The following AGMO variants were observed in gnomAD, a reference collection of about 807,000 sequenced individuals.
AGMO encodes the protein glyceryl-ether monooxygenase.
In AGMO, 75 loss-of-function variants were observed where a neutral mutation model predicts 60.2. That is an observed-to-expected ratio of 1.25 (90% CI 1.03 to 1.51). The LOEUF (loss-of-function observed/expected upper bound fraction) is 1.51, where lower values mean the gene tolerates loss of function less well. Ranked by LOEUF, AGMO falls within the 40% of genes most tolerant of loss-of-function variation. AGMO has a pLI of 0.00. For synonymous variants in AGMO, 261 were observed against 177.1 expected, an observed-to-expected ratio of 1.47 and a Z score of -3.76; for missense variants, 763 against 525.5, an observed-to-expected ratio of 1.45 and a Z score of -4.42.
chr7:15,354,491 C>A (rs1583447408), intron 12 of AGMO, among the ~76,000 whole-genome samples: 1 of 13,990 alleles, frequency 7.1e-5, no homozygotes, highest in Non-Finnish European at 1.2e-4. Flanking sequence ...TGTATATACA[C>A]ACGTGTATAT....
intron 5 of AGMO, among the ~76,000 whole-genome samples, chr7:15,411,028 G>C: frequency 6.6e-6 from 1 of 151,952 alleles, no homozygotes; most frequent in East Asian, 1.9e-4. Flanking sequence ...TAGGTCATTA[G>C]GGTTTTGTCT....
At chr7:15,301,384 A>T (rs2128526231) in intron 12 of AGMO, among the ~76,000 whole-genome samples, 1 of 152,228 alleles carries the variant, frequency 6.6e-6, no homozygotes, top group South Asian at 2.1e-4. Flanking sequence ...GGTTGCAGTG[A>T]GCCAAGATCA....
At chr7:15,232,826 C>CACACACACAA (rs930600939) in intron 12 of AGMO, among the ~76,000 whole-genome samples, 17 of 148,292 alleles carry the variant, frequency 1.1e-4, no homozygotes, top group South Asian at 4.2e-4. Flanking sequence ...CACACACACA[C>CACACACACAA]AAAAACTAAA....
intron 3 of AGMO, among the ~76,000 whole-genome samples, chr7:15,543,002 C>T (rs549188969): frequency 1.4e-4 from 21 of 152,184 alleles, no homozygotes; most frequent in Admixed American, 1.4e-3. Flanking sequence ...ATCCATGCTA[C>T]TCCTATTTCC....
chr7:15,505,130 A>C (rs1392433627), intron 3 of AGMO, among the ~76,000 whole-genome samples: 2 of 152,014 alleles, frequency 1.3e-5, no homozygotes, highest in African/African-American at 4.8e-5. Flanking sequence ...TTCAAGTCAA[A>C]TCATCTATTG....
At chr7:15,396,292 C>T (rs13234866) in intron 5 of AGMO, 52,653 of 152,138 alleles carry the variant, frequency 0.35, 9,514 homozygotes, top group African/African-American at 0.45. Flanking sequence ...GTTCTTCACA[C>T]ATGTCTGCAG....
At chr7:15,199,490 C>T (rs970568849), downstream of AGMO, among the ~76,000 whole-genome samples, 4 of 152,032 alleles carry the variant, frequency 2.6e-5, no homozygotes, top group Admixed American at 2.6e-4. Context: ...ATGTATCATT[C>T]CTTGGGGAAT....
intron 12 of AGMO, among the ~76,000 whole-genome samples, chr7:15,277,078 T>G (rs1255421805): frequency 6.6e-6 from 1 of 151,812 alleles, no homozygotes; most frequent in African/African-American, 2.4e-5. Flanking sequence ...GAGGCCAAGG[T>G]AGGTGGATTA....
At chr7:15,228,754 T>G (rs1782163579) in intron 12 of AGMO, among the ~76,000 whole-genome samples, 1 of 152,154 alleles carries the variant, frequency 6.6e-6, no homozygotes, top group South Asian at 2.1e-4. Context: ...AGTATTCCTC[T>G]GTGATTTGTT....
intron 9 of AGMO, 139 bp from the exon 10 acceptor site, chr7:15,385,701 T>C (rs955132141): frequency 1.5e-5 from 10 of 647,446 alleles, no homozygotes; most frequent in African/African-American, 5.6e-5. Context: ...AATAGAAACA[T>C]GTCTAAGTTA....
At position 15,430,918 on chromosome 7, in the gene AGMO, G is replaced by GTTTTTTTT. The variant is rs71004378; in HGVS notation, c.513+79_513+86dup. On this transcript the variant is annotated intron_variant, in intron 4 of 12. Transcript: ENST00000342526. ...CATTTTAGTAAAACACCTTCTATTA[G>GTTTTTTTT]TTTTTTTTTTTTTTTGAGGAAATAG... The GTTTTTTTT allele has an allele frequency of 5.1e-3, 2,005 of 394,462 alleles. 43 individuals are homozygous for GTTTTTTTT. The highest frequency in any genetic ancestry group is 5.4e-3 in the Non-Finnish European group (1,282 of 237,552). 24.4% of individuals were successfully genotyped at this position (394,462 alleles called of 1,614,324 possible).
At chr7:15,384,037 G>C (rs1005245038) in intron 10 of AGMO, among the ~76,000 whole-genome samples, 1 of 151,988 alleles carries the variant, frequency 6.6e-6, no homozygotes, top group Admixed American at 6.6e-5. Flanking sequence ...CCAGGTTCAC[G>C]TCATTCTTCT....
chr7:15,398,104 A>G (rs1444823028), intron 5 of AGMO, among the ~76,000 whole-genome samples: 1 of 152,150 alleles, frequency 6.6e-6, no homozygotes, highest in Non-Finnish European at 1.5e-5. Context: ...TTGGTGCCCA[A>G]CATGTGTTAC....
In AGMO at chr7:15,248,204, A is replaced by ATG. The variant is rs1418826750; in HGVS notation, c.1264-46846_1264-46845insCA. On this transcript the variant is annotated intron_variant, in intron 12 of 12. Transcript: ENST00000342526. ...CATATATATATATATATATATATAT[A>ATG]TATATATATATATATATATATCTTC... is the stretch of plus-strand genomic sequence containing the variant. Among the ~76,000 whole-genome samples, 35 of 95,236 alleles carry ATG rather than the reference A, an allele frequency of 3.7e-4. 1 individual carries two copies. The highest frequency in any genetic ancestry group is 5.9e-4 in the Non-Finnish European group (27 of 45,736). The allele number at this position is 95,236 out of a possible 152,430, so 62.5% of individuals were successfully genotyped here.
chr7:15,532,105 G>T (rs927641199), intron 3 of AGMO, among the ~76,000 whole-genome samples: 1 of 152,168 alleles, frequency 6.6e-6, no homozygotes, highest in African/African-American at 2.4e-5. Context: ...AGCAGAGGAA[G>T]CATCACTTCA....
Position 15,531,450 on chromosome 7 carries a change from TTC to T in AGMO, c.409+13320_409+13321del, listed in dbSNP as rs1374910760. On this transcript the variant is annotated intron_variant, in intron 3 of 12. Transcript: ENST00000342526. ...ATTCTATATATATATTCTATATATA[TTC>T]TCTATATATATTCTATATATATTCT... Among the ~76,000 whole-genome samples, 250 of 45,870 alleles carry T rather than the reference TTC, an allele frequency of 5.5e-3. 35 individuals carry two copies. The highest frequency in any genetic ancestry group is 7.6e-3 in the South Asian group (12 of 1,584). The allele number at this position is 45,870 out of a possible 152,430, so 30.1% of individuals were successfully genotyped here.
intron 12 of AGMO, among the ~76,000 whole-genome samples, chr7:15,344,591 A>G (rs954023605): frequency 1.4e-4 from 22 of 152,216 alleles, no homozygotes; most frequent in African/African-American, 5.3e-4. Flanking sequence ...CCAGCCACTC[A>G]GGAGGCTAAA....
intron 12 of AGMO, among the ~76,000 whole-genome samples, chr7:15,359,116 C>T (rs1015420617): frequency 1.8e-4 from 27 of 151,898 alleles, no homozygotes; most frequent in African/African-American, 5.1e-4. Context: ...GGTGAAACCC[C>T]GTCTCCACTA....
intron 5 of AGMO, chr7:15,396,442 G>A (rs1212765567): frequency 1.3e-5 from 2 of 152,278 alleles, no homozygotes; most frequent in Non-Finnish European, 2.9e-5. Context: ...GAGAAGTGAA[G>A]CTGCACACCT....
Sources: gnomAD v4.1 joint callset for allele counts (sites outside exome capture counted in the v4.1 genomes callset) on GRCh38, gnomAD v4.1.1 for gene constraint, MANE v1.5 for transcripts, NCBI Gene and HGNC (gene_info 2026-07-23, HGNC 2026-07-21) for gene names.